AK9: variants seen among roughly 807,000 people sequenced by gnomAD.
AK9 encodes adenylate kinase domain containing 1.
In AK9, 191 loss-of-function variants were observed where a neutral mutation model predicts 239.6. The ratio of observed to expected loss-of-function variants is 0.80; its 90% CI spans 0.71 to 0.90. The LOEUF is 0.90. Among genes scored for constraint, AK9 ranks in the 40% least tolerant of loss-of-function variants. AK9 has a pLI of 0.00. For missense variants in AK9, 1,995 were observed against 2,214.7 expected (o/e 0.90, Z 1.99); for synonymous variants, 689 against 721.0 (o/e 0.96, Z 0.71).
chr6:109,525,782 C>T (rs1780432349), intron 29 of AK9, among the ~76,000 whole-genome samples: 1 of 152,192 alleles, frequency 6.6e-6, no homozygotes, highest in Admixed American at 6.5e-5. Flanking sequence ...ACTCAGCAAT[C>T]CCATTAATGG....
chr6:109,605,260 G>T (rs1479219637), intron 17 of AK9, among the ~76,000 whole-genome samples: 1 of 151,986 alleles, frequency 6.6e-6, no homozygotes. Flanking sequence ...ACATAGCAAG[G>T]CCCCATATCC....
At chr6:109,498,571 C>T (rs554924060) in intron 36 of AK9, among the ~76,000 whole-genome samples, 1 of 152,282 alleles carries the variant, frequency 6.6e-6, no homozygotes, top group East Asian at 1.9e-4. Context: ...TAATATGAGA[C>T]GAAATCTATT....
intron 5 of AK9, among the ~76,000 whole-genome samples, chr6:109,665,425 T>C (rs1244949851): frequency 6.6e-6 from 1 of 152,092 alleles, no homozygotes; most frequent in East Asian, 1.9e-4. Context: ...CTGCCTGCAC[T>C]GTCTCAAGAA....
chr6:109,509,847 G>C (rs1210955184), intron 32 of AK9, among the ~76,000 whole-genome samples: 1 of 152,036 alleles, frequency 6.6e-6, no homozygotes, highest in African/African-American at 2.4e-5. Flanking sequence ...GGTGCAGCTT[G>C]GGGGGTTTTC....
chr6:109,493,851 G>T, intron 40 of AK9, 130 bp downstream of exon 40: 1 of 735,910 alleles, frequency 1.4e-6, no homozygotes, highest in Non-Finnish European at 2.2e-6. Flanking sequence ...GCCCTGTATT[G>T]TATTTGCTAC....
intron 13 of AK9, among the ~76,000 whole-genome samples, chr6:109,616,042 C>A (rs1794152788): frequency 6.6e-6 from 1 of 152,002 alleles, no homozygotes; most frequent in African/African-American, 2.4e-5. Context: ...TAGAGACCAG[C>A]CTGGACATCA....
At chr6:109,656,981 G>C in intron 7 of AK9, 97 bp from the exon 8 acceptor site, 1 of 1,427,718 alleles carries the variant, frequency 7.0e-7, no homozygotes, top group Non-Finnish European at 9.6e-7. Flanking sequence ...TATCATTTTG[G>C]GGTGAGAAGC....
intron 1 of AK9, among the ~76,000 whole-genome samples, chr6:109,678,857 G>A (rs1359641382): frequency 2.6e-5 from 4 of 152,112 alleles, no homozygotes; most frequent in Middle Eastern, 3.2e-3. Flanking sequence ...GCAAGGGGTC[G>A]GGGAACTCCC....
chr6:109,536,183 T>C (rs371514663), intron 27 of AK9, among the ~76,000 whole-genome samples: 114 of 152,360 alleles, frequency 7.5e-4, no homozygotes, highest in South Asian at 2.1e-3. Context: ...ACTGAATCTA[T>C]AAATTACCTT....
intron 21 of AK9, among the ~76,000 whole-genome samples, chr6:109,573,135 T>C (rs1787634159): frequency 1.3e-5 from 2 of 152,176 alleles, no homozygotes; most frequent in African/African-American, 4.8e-5. Context: ...AGACAGACTA[T>C]GGAAGAAAGG....
In AK9 at chr6:109,619,169, G is replaced by C; in HGVS notation, c.1322C>G (p.Thr441Ser). ...DKARETLVENTIAEATAAAIK... is the reference protein window; with the variant it reads ...DKARETLVENSIAEATAAAIK... The stretch of plus-strand genomic sequence containing the variant: ...TGCTGCTGCAGTGGCCTCAGCTATG[G>C]TATTTTCTACTAATGTTTCACGGGC... The change falls in exon 13 of 41, where the codon ACC (threonine) becomes AGC (serine). Residue 441 changes from threonine to serine, a missense_variant. Coordinates refer to ENST00000424296, the MANE Select transcript of AK9 (RefSeq NM_001145128.3). 1 of 1,550,424 alleles carries C rather than the reference G, an allele frequency of 6.4e-7. No homozygotes were observed. The highest frequency in any genetic ancestry group is 2.0e-5 in the Admixed American group (1 of 50,848).
chr6:109,613,973 C>T (rs369031503), intron 15 of AK9, among the ~76,000 whole-genome samples: 14 of 152,222 alleles, frequency 9.2e-5, no homozygotes, highest in African/African-American at 3.4e-4. Context: ...TTGTATCTGA[C>T]TCCCCATTTA....
At position 109,616,076 on chromosome 6, in the gene AK9, G is replaced by GA. The variant is rs987080119; in HGVS notation, c.1400-1597dup. 8.0e-4 allele frequency among the ~76,000 whole-genome samples: 115 copies of GA among 143,590 alleles called. 1 individual carries two copies. The Middle Eastern group carries it at 0.014, about 18-fold the overall frequency. The allele number at this position is 143,590 out of a possible 152,430, so 94.2% of individuals were successfully genotyped here. On this transcript the variant is annotated intron_variant, in intron 13 of 40. Coordinates refer to ENST00000424296, the MANE Select transcript of AK9 (RefSeq NM_001145128.3). ...CATACTGAGACCCCTGTCTCTGCCA[G>GA]AAAAAAAAAAATCACAACCACTATT...
At chr6:109,652,119 C>G (rs1343560324) in intron 8 of AK9, among the ~76,000 whole-genome samples, 2 of 152,158 alleles carry the variant, frequency 1.3e-5, no homozygotes, top group Non-Finnish European at 2.9e-5. Context: ...AATTTTAGAC[C>G]AAGATCCCTG....
At chr6:109,645,140 C>T (rs1010955339) in intron 8 of AK9, among the ~76,000 whole-genome samples, 3 of 152,152 alleles carry the variant, frequency 2.0e-5, no homozygotes, top group African/African-American at 4.8e-5. Flanking sequence ...CCAGCGTGAT[C>T]GATGCAGAAG....
In AK9 at chr6:109,633,247, C is replaced by T. The variant is rs781772600; in HGVS notation, c.1010G>A (p.Arg337His). The T allele has an allele frequency of 2.0e-5, 32 of 1,609,644 alleles. No individual in the cohort carries two copies. Among genetic ancestry groups the T allele is most frequent in the South Asian group, 8.9e-5 (8 of 89,614 alleles). Residue 337 changes from arginine (R) to histidine (H), a missense_variant, in exon 11 of 41, where the codon CGT (arginine) becomes CAT (histidine). Transcript: ENST00000424296. ...RYRWQRSKWG[R>H]TCPVNLKDGN... Reference sequence around the variant, plus strand: ...ATCTTTTAAATTCACAGGACATGTACGTCCCCATTTACTTCTTTGCCATCT... The same window carrying T: ...ATCTTTTAAATTCACAGGACATGTATGTCCCCATTTACTTCTTTGCCATCT...
intron 10 of AK9, among the ~76,000 whole-genome samples, chr6:109,637,129 G>A (rs1169809533): frequency 2.0e-5 from 3 of 152,116 alleles, no homozygotes; most frequent in South Asian, 2.1e-4. Flanking sequence ...GTTTTGATTT[G>A]CATTTCCTTA....
chr6:109,559,329 G>A (rs575262663), intron 24 of AK9, among the ~76,000 whole-genome samples: 15 of 152,018 alleles, frequency 9.9e-5, no homozygotes, highest in Non-Finnish European at 1.9e-4. Context: ...CACCTCGCCT[G>A]GCTAATTTTT....
chr6:109,682,149 G>A (rs1030654641), intron 1 of AK9, among the ~76,000 whole-genome samples: 9 of 152,144 alleles, frequency 5.9e-5, no homozygotes, highest in Non-Finnish European at 1.2e-4. Context: ...GAATTGGCTG[G>A]GCATGGTGGC....
Sources: allele counts gnomAD v4.1 joint callset (sites outside exome capture counted in the v4.1 genomes callset), GRCh38; gene constraint gnomAD v4.1.1; transcripts MANE v1.5; gene names NCBI Gene and HGNC (gene_info 2026-07-23, HGNC 2026-07-21).